MAP3K6: variants seen among roughly 807,000 people sequenced by gnomAD.
MAP3K6 encodes mitogen-activated protein kinase kinase kinase 6.
MAP3K6 carries 105 observed loss-of-function variants against 147.1 expected under a neutral mutation model. The ratio of observed to expected loss-of-function variants is 0.71; its 90% confidence interval spans 0.61 to 0.84. MAP3K6 has a LOEUF of 0.84. MAP3K6 is among the 40% of genes least tolerant of loss of function. MAP3K6 has a pLI of 0.00. For missense variants in MAP3K6, 1,569 were observed against 1,715.0 expected (o/e 0.91, Z 1.50); for synonymous variants, 695 against 732.4 (o/e 0.95, Z 0.82).
rs41291096 is a variant in MAP3K6, at chr1:27,358,617, G to T, written c.2584-6C>A. 5 of 1,613,462 alleles carry T rather than the reference G, an allele frequency of 3.1e-6. No individual in the cohort carries two copies. In the East Asian group the frequency reaches 6.7e-5, roughly 22 times the overall value. On this transcript the variant is annotated splice_polypyrimidine_tract_variant and splice_region_variant and intron_variant, in intron 19 of 28. Coordinates refer to ENST00000357582, the MANE Select transcript of MAP3K6 (RefSeq NM_004672.5). This position sits in a 1 kb window ranked among gnomAD's most constrained non-coding sequence, Gnocchi z 6.2. ...TGGACCTTGTACATACCCACCTGTG[G>T]GGGGAGGGTGAACAAGGGTGACATT... is the stretch of plus-strand genomic sequence containing the variant.
At chr1:27,363,170 T>C in intron 6 of MAP3K6, 149 bp from the exon 7 acceptor site, 1 of 730,868 alleles carries the variant, frequency 1.4e-6, no homozygotes, top group Non-Finnish European at 2.2e-6. Context: ...CTGACCTCTC[T>C]AGTGACCTCA....
chr1:27,357,221 G>T, intron 23 of MAP3K6, 107 bp from the exon 24 acceptor site: 1 of 1,265,874 alleles, frequency 7.9e-7, no homozygotes, highest in African/African-American at 1.5e-5. Context: ...TGGGGTGGGC[G>T]GGCTTGAGGT....
At chr1:27,363,677 C>T (rs1035275175) in intron 5 of MAP3K6, 129 bp from the exon 6 acceptor site, 13 of 804,894 alleles carry the variant, frequency 1.6e-5, no homozygotes, top group African/African-American at 1.6e-4. Flanking sequence ...TCAGGCCCAG[C>T]GGACACACCT....
Position 27,366,187 on chromosome 1 carries a change from C to G in MAP3K6, c.340+71G>C. On this transcript the variant is annotated intron_variant, in intron 1 of 28. Transcript: ENST00000357582. The surrounding 1 kb of genome is among the most constrained non-coding windows in gnomAD (Gnocchi z 5.5). ...CCTCTCGGCCCCTCCCTTGAGCCTT[C>G]GAGCCCGGCTTGGTCCCCTCCCAGG... is the stretch of plus-strand genomic sequence containing the variant. The G allele has an allele frequency of 8.0e-7, 1 of 1,254,324 alleles. No homozygotes were observed. The highest frequency in any genetic ancestry group is 1.0e-6 in the Non-Finnish European group (1 of 997,248). The allele number at this position is 1,254,324 out of a possible 1,614,324, so 77.7% of individuals were successfully genotyped here.
chr1:27,360,060 A>C lies in MAP3K6; in HGVS notation c.2183-66T>G. 1 of 1,604,308 alleles carries C rather than the reference A, an allele frequency of 6.2e-7. No homozygotes were observed. Among genetic ancestry groups the C allele is most frequent in the Non-Finnish European group, 8.5e-7 (1 of 1,173,672 alleles). On this transcript the variant is annotated intron_variant, in intron 16 of 28. Coordinates refer to ENST00000357582, the MANE Select transcript of MAP3K6 (RefSeq NM_004672.5). This position sits in a 1 kb window ranked among gnomAD's most constrained non-coding sequence, Gnocchi z 4.5. ...GCTCCAGCCCACATCTCTCTGCTCA[A>C]GGCCCAGACACACCCATGTTGTAGC...
Position 27,362,659 on chromosome 1 carries a change from T to C in MAP3K6, c.1237A>G (p.Lys413Glu). Reference protein sequence around the residue: ...IAAGQHFEDSKELRLIGMKLG... With the variant: ...IAAGQHFEDSEELRLIGMKLG... Reference sequence around the variant, plus strand: ...TGCTCACCTATTAGCCGGAGCTCTTTGGAATCCTCAAAGTGCTGCCCGGCA... The same window carrying C: ...TGCTCACCTATTAGCCGGAGCTCTTCGGAATCCTCAAAGTGCTGCCCGGCA... Residue 413 changes from lysine (K) to glutamate (E), a missense_variant, in exon 8 of 29, where the codon AAA becomes GAA. By Grantham distance (56) the Lys-to-Glu change is moderately conservative. Transcript: ENST00000357582. 1.9e-6 allele frequency: 3 copies of C among 1,596,528 alleles called. No individual in the cohort carries two copies. Among genetic ancestry groups the C allele is most frequent in the Non-Finnish European group, 2.6e-6 (3 of 1,170,142 alleles).
chr1:27,361,811 G>A lies in MAP3K6; in HGVS notation c.1472C>T (p.Pro491Leu), dbSNP rs1330572544. Residue 491 changes from proline (P) to leucine (L), a missense_variant, in exon 10 of 29, where the codon CCA (proline) becomes CTA (leucine). Physicochemically the swap from Pro to Leu is moderately conservative, Grantham distance 98. Transcript: ENST00000357582. ...FLLYQHFRPT[P>L]EPPGGPPRRA... ...GCGTGGTGGCCCTCCAGGGGGCTCT[G>A]GCGTGGGCCTGAAGTGCTGGTAGAG... 1 of 1,606,374 alleles carries A rather than the reference G, an allele frequency of 6.2e-7. No homozygotes were observed. The highest frequency in any genetic ancestry group is 8.5e-7 in the Non-Finnish European group (1 of 1,175,992).
intron 6 of MAP3K6, 131 bp from the exon 7 acceptor site, chr1:27,363,152 G>A: frequency 1.2e-6 from 1 of 809,958 alleles, no homozygotes; most frequent in East Asian, 2.7e-5. Flanking sequence ...TAATGACCCT[G>A]GCCAGCACTG....
At position 27,360,539 on chromosome 1, in the gene MAP3K6, G is replaced by T. The variant is rs1256953711; in HGVS notation, c.2054+166C>A. 8.5e-6 allele frequency among the ~76,000 whole-genome samples: 1 copy of T among 118,108 alleles called. No homozygotes were observed. Among genetic ancestry groups the T allele is most frequent in the Non-Finnish European group, 1.7e-5 (1 of 57,924 alleles). The allele number at this position is 118,108 out of a possible 152,430, so 77.5% of individuals were successfully genotyped here. Reference sequence around the variant, plus strand: ...GACCCTCCAGACCTCAATCCCGCCCGCACGGTCCTGGCTGTTCCGCCCACG... The same window carrying T: ...GACCCTCCAGACCTCAATCCCGCCCTCACGGTCCTGGCTGTTCCGCCCACG... On this transcript the variant is annotated intron_variant, in intron 15 of 28. Transcript: ENST00000357582. This position sits in a 1 kb window ranked among gnomAD's most constrained non-coding sequence, Gnocchi z 4.5.
At position 27,360,879 on chromosome 1, in the gene MAP3K6, C is replaced by T. The variant is rs765416483; in HGVS notation, c.1921-41G>A. The T allele has an allele frequency of 1.2e-6, 2 of 1,609,648 alleles. No individual in the cohort carries two copies. The highest frequency in any genetic ancestry group is 2.7e-5 in the African/African-American group (2 of 74,900). ...TGAGATGGGAGTTCAGCAGGGCCCG[C>T]GGCCCCTCGCCCTCCGCGAGCTCCC... On this transcript the variant is annotated intron_variant, in intron 14 of 28. Transcript: ENST00000357582. The surrounding 1 kb of genome is among the most constrained non-coding windows in gnomAD (Gnocchi z 4.5).
Position 27,357,749 on chromosome 1 carries a change from G to T in MAP3K6, c.3043C>A (p.Leu1015Met). The change falls in exon 22 of 29, where the codon CTG (leucine) becomes ATG (methionine). Residue 1015 changes from leucine (L) to methionine (M), a missense_variant. Physicochemically the swap from Leu to Met is conservative, Grantham distance 15. Transcript: ENST00000357582. ...AAVLEQELPA[L>M]AENLHQEQKQ... ...TGCTCCTGGTGCAGATTCTCCGCCA[G>T]CGCTGGCAGCTCCTGCTCCAATACT... 6.2e-7 allele frequency: 1 copy of T among 1,611,822 alleles called. No individual in the cohort carries two copies.
At position 27,364,071 on chromosome 1, in the gene MAP3K6, TC is replaced by T. The variant is rs747586720; in HGVS notation, c.709del (p.Glu237ArgfsTer36). ...TPTDSCGYFRETIRRDIRQAR... is the reference protein window; with the variant it reads ...TPTDSCGYFRXTIRRDIRQAR... The stretch of plus-strand genomic sequence containing the variant: ...CTGCCGGATGTCCCGCCGAATGGTC[TC>T]CCGGAAATAGCCACTGATGCCCAGG... On this transcript the variant is annotated frameshift_variant, in exon 5 of 29. Transcript: ENST00000357582. LOFTEE classifies it high-confidence loss of function. This position sits in a 1 kb window ranked among gnomAD's most constrained non-coding sequence, Gnocchi z 4.4. 7.4e-6 allele frequency: 12 copies of T among 1,612,436 alleles called. 1 individual carries two copies. The South Asian group carries it at 1.2e-4, about 16-fold the overall frequency.
At chr1:27,357,347 G>C in intron 23 of MAP3K6, 53 bp downstream of exon 23, 1 of 1,553,844 alleles carries the variant, frequency 6.4e-7, no homozygotes, top group Middle Eastern at 1.7e-4. Flanking sequence ...ACCAGGCACG[G>C]GGAACTCACT....
At position 27,360,049 on chromosome 1, in the gene MAP3K6, C is replaced by T. The variant is rs544090772; in HGVS notation, c.2183-55G>A. 100 of 1,609,864 alleles carry T rather than the reference C, an allele frequency of 6.2e-5. No individual in the cohort carries two copies. The Middle Eastern group carries it at 9.1e-4, about 15-fold the overall frequency. Reference sequence around the variant, plus strand: ...CCCACCCACTGGCTCCAGCCCACATCTCTCTGCTCAAGGCCCAGACACACC... The same window carrying T: ...CCCACCCACTGGCTCCAGCCCACATTTCTCTGCTCAAGGCCCAGACACACC... On this transcript the variant is annotated intron_variant, in intron 16 of 28. Transcript: ENST00000357582. The surrounding 1 kb of genome is among the most constrained non-coding windows in gnomAD (Gnocchi z 4.5).
At chr1:27,363,361 A>C in intron 6 of MAP3K6, 81 bp downstream of exon 6, 1 of 1,178,186 alleles carries the variant, frequency 8.5e-7, no homozygotes, top group Non-Finnish European at 1.2e-6. Flanking sequence ...GTGATCCCAG[A>C]CAGCAATGGC....
At position 27,364,441 on chromosome 1, in the gene MAP3K6, G is replaced by A. The variant is rs773486712; in HGVS notation, c.505-47C>T. 1.9e-6 allele frequency: 3 copies of A among 1,601,524 alleles called. No individual in the cohort carries two copies. The highest frequency in any genetic ancestry group is 2.6e-6 in the Non-Finnish European group (3 of 1,169,952). On this transcript the variant is annotated intron_variant, in intron 3 of 28. Coordinates refer to ENST00000357582, the MANE Select transcript of MAP3K6 (RefSeq NM_004672.5). The surrounding 1 kb of genome is among the most constrained non-coding windows in gnomAD (Gnocchi z 4.4). ...TCAGTGAGGTCAGAGGTCAGCACAG[G>A]GCTAGACAAGGGGAGTGAGAGCATC...
rs758307413 is a variant in MAP3K6 at position 27,357,717 on chromosome 1, TTGCTTC to T, written c.3069_3074del (p.Lys1024_Gln1025del). On this transcript the variant is annotated inframe_deletion, in exon 22 of 29. Coordinates refer to ENST00000357582, the MANE Select transcript of MAP3K6 (RefSeq NM_004672.5). Reference sequence around the variant, plus strand: ...GCTAGAGTGGGCCGCCCACCTGCTCTTGCTTCTGCTCCTGGTGCAGATTCTCCGCCA... The same window carrying T: ...GCTAGAGTGGGCCGCCCACCTGCTCTTGCTCCTGGTGCAGATTCTCCGCCA... 2 of 1,611,068 alleles carry T rather than the reference TTGCTTC, an allele frequency of 1.2e-6. No individual in the cohort carries two copies. Among genetic ancestry groups the T allele is most frequent in the African/African-American group, 1.3e-5 (1 of 75,056 alleles).
Position 27,361,222 on chromosome 1 carries a change from G to C in MAP3K6, c.1767C>G (p.Phe589Leu). Reference sequence around the variant, plus strand: ...CCTGAGCCGGGGGGAGTGCATAGAGGAAGCAGCAGCGCTCGTCGCGCTTTG... The same window carrying C: ...CCTGAGCCGGGGGGAGTGCATAGAGCAAGCAGCAGCGCTCGTCGCGCTTTG... ...SASKRDERCC[F>L]LYALPPAQDV... is the part of the protein sequence containing the mutation. Residue 589 changes from phenylalanine (F) to leucine (L), a missense_variant, in exon 13 of 29, where the codon TTC becomes TTG. Phe to Leu is a conservative substitution (Grantham distance 22). Coordinates refer to ENST00000357582, the MANE Select transcript of MAP3K6 (RefSeq NM_004672.5). 3 of 1,613,424 alleles carry C rather than the reference G, an allele frequency of 1.9e-6. No homozygotes were observed.
rs748039865 is a variant in MAP3K6 at position 27,359,901 on chromosome 1, A to G, written c.2276T>C (p.Leu759Pro). 3.7e-6 allele frequency: 6 copies of G among 1,614,144 alleles called. No individual in the cohort carries two copies. In the Admixed American group the frequency reaches 1.0e-4, roughly 27 times the overall value. ...GATGTGGTTGTCGTGCAAGTAGCCA[A>G]GTCCCTGCAGGATCTGGCGGGTGTA... is the stretch of plus-strand genomic sequence containing the variant. Reference protein sequence around the residue: ...SFYTRQILQGLGYLHDNHIVH... With the variant: ...SFYTRQILQGPGYLHDNHIVH... The change falls in exon 17 of 29, where the codon CTT becomes CCT. Residue 759 changes from leucine (L) to proline (P), a missense_variant. Physicochemically the swap from Leu to Pro is moderately conservative, Grantham distance 98. Coordinates refer to ENST00000357582, the MANE Select transcript of MAP3K6 (RefSeq NM_004672.5). The surrounding 1 kb of genome is among the most constrained non-coding windows in gnomAD (Gnocchi z 4.4).
Sources: allele counts gnomAD v4.1 joint callset (sites outside exome capture counted in the v4.1 genomes callset), GRCh38; gene constraint gnomAD v4.1.1; non-coding constraint Gnocchi (gnomAD v3.1); transcripts MANE v1.5; gene names NCBI Gene and HGNC (gene_info 2026-07-23, HGNC 2026-07-21).